PARP8: variants seen among roughly 807,000 people sequenced by gnomAD.
The protein encoded by PARP8 is protein mono-ADP-ribosyltransferase PARP8.
A neutral mutation model predicts 124.1 loss-of-function variants in PARP8; 51 were observed. That is an observed-to-expected ratio of 0.41 (90% CI 0.33 to 0.52). PARP8 has a LOEUF of 0.52. Among genes scored for constraint, PARP8 ranks in the 20% least tolerant of loss-of-function variants. The pLI is 0.21. For synonymous variants in PARP8, 391 were observed against 361.5 expected, an observed-to-expected ratio of 1.08 and a Z score of -0.93; for missense variants, 860 against 1,018.9, an observed-to-expected ratio of 0.84 and a Z score of 2.12.
At chr5:50,683,541 GTAAT>G (rs1360529140) in intron 2 of PARP8, among the ~76,000 whole-genome samples, 1 of 152,114 alleles carries the variant, frequency 6.6e-6, no homozygotes, top group African/African-American at 2.4e-5. Flanking sequence ...TATAATATGA[GTAAT>G]TGTGCAGGGA....
At chr5:50,726,014 T>C (rs1226732267) in intron 2 of PARP8, among the ~76,000 whole-genome samples, 1 of 152,188 alleles carries the variant, frequency 6.6e-6, no homozygotes, top group Non-Finnish European at 1.5e-5. Context: ...CCTATGGTAT[T>C]GTGATGCCTC....
chr5:50,798,125 A>G (rs1043915322), intron 14 of PARP8, among the ~76,000 whole-genome samples: 2 of 152,212 alleles, frequency 1.3e-5, no homozygotes, highest in Non-Finnish European at 2.9e-5. Flanking sequence ...CCATCCATAT[A>G]GCATATGTCA....
chr5:50,768,553 T>A (rs6450391), intron 7 of PARP8, among the ~76,000 whole-genome samples: 1 of 151,922 alleles, frequency 6.6e-6, no homozygotes, highest in South Asian at 2.1e-4. Context: ...TAAAAAAATT[T>A]GAATTCATCA....
intron 2 of PARP8, among the ~76,000 whole-genome samples, chr5:50,732,477 T>TA (rs1321473538): frequency 1.3e-5 from 2 of 152,242 alleles, no homozygotes; most frequent in African/African-American, 4.8e-5. Context: ...GATATTTGCA[T>TA]AAAAAACTAA....
chr5:50,672,503 A>G (rs1323766992), intron 2 of PARP8, among the ~76,000 whole-genome samples: 2 of 152,362 alleles, frequency 1.3e-5, no homozygotes, highest in East Asian at 1.9e-4. Flanking sequence ...GTGGAATTTC[A>G]TACGAATCCA....
chr5:50,733,334 G>T (rs1206204940), intron 2 of PARP8, among the ~76,000 whole-genome samples: 1 of 151,874 alleles, frequency 6.6e-6, no homozygotes, highest in Non-Finnish European at 1.5e-5. Flanking sequence ...CGAAAAACTT[G>T]CTCCTGACCT....
chr5:50,727,829 T>C (rs1237199604), intron 2 of PARP8, among the ~76,000 whole-genome samples: 2 of 152,194 alleles, frequency 1.3e-5, no homozygotes, highest in African/African-American at 4.8e-5. Flanking sequence ...GGGGCCCTTA[T>C]GTGATGCCAC....
At chr5:50,763,100 T>C (rs1580252033) in intron 6 of PARP8, 48 bp from the exon 7 acceptor site, 1 of 1,468,414 alleles carries the variant, frequency 6.8e-7, no homozygotes, top group African/African-American at 1.4e-5. Flanking sequence ...CTTAAGTTTT[T>C]GATTCTGTTC....
intron 2 of PARP8, among the ~76,000 whole-genome samples, chr5:50,724,418 G>GA (rs1301955634): frequency 1.0e-4 from 15 of 150,622 alleles, no homozygotes; most frequent in South Asian, 6.3e-4. Flanking sequence ...CACAGCAAAA[G>GA]AAAAAAAAAT....
chr5:50,704,693 G>A (rs763280619), intron 2 of PARP8, among the ~76,000 whole-genome samples: 1 of 152,128 alleles, frequency 6.6e-6, no homozygotes, highest in African/African-American at 2.4e-5. Context: ...TTGTATATTG[G>A]AATGATAGTG....
intron 10 of PARP8, among the ~76,000 whole-genome samples, chr5:50,790,906 A>G (rs1045698783): frequency 1.3e-5 from 2 of 152,156 alleles, no homozygotes; most frequent in African/African-American, 4.8e-5. Flanking sequence ...TTGGTCTGAT[A>G]TGTTTGTTTC....
rs2149554075 is a variant in PARP8 at position 50,751,241 on chromosome 5, T to C, written c.184+1053T>C. Among the ~76,000 whole-genome samples, 2 of 152,206 alleles carry C rather than the reference T, an allele frequency of 1.3e-5. 1 individual carries two copies. The highest frequency in any genetic ancestry group is 6.8e-3 in the Middle Eastern group (2 of 294). ...GGGCCAAGTGTTTAGCTCCCTCTTG[T>C]GGCCAAGAGGTATTACTTGGGCTTT... On this transcript the variant is annotated intron_variant, in intron 3 of 25. Coordinates refer to ENST00000281631, the MANE Select transcript of PARP8 (RefSeq NM_024615.4).
chr5:50,716,188 A>G (rs918117452), intron 2 of PARP8, among the ~76,000 whole-genome samples: 8 of 152,154 alleles, frequency 5.3e-5, no homozygotes, highest in African/African-American at 1.9e-4. Flanking sequence ...TCCTTACATT[A>G]GAATACAAAG....
intron 7 of PARP8, among the ~76,000 whole-genome samples, chr5:50,772,843 T>A (rs1054699789): frequency 6.6e-6 from 1 of 152,102 alleles, no homozygotes; most frequent in Non-Finnish European, 1.5e-5. Context: ...GCTACAGGCG[T>A]GTGCCACCAC....
At chr5:50,784,356 C>T (rs1190978840) in intron 9 of PARP8, among the ~76,000 whole-genome samples, 1 of 151,958 alleles carries the variant, frequency 6.6e-6, no homozygotes. Context: ...GGGAAATATG[C>T]TTTAAATAAA....
At chr5:50,725,375 A>G (rs1029728419) in intron 2 of PARP8, among the ~76,000 whole-genome samples, 2 of 152,120 alleles carry the variant, frequency 1.3e-5, no homozygotes, top group African/African-American at 4.8e-5. Flanking sequence ...TGTTGCATCA[A>G]ATGATGGCTA....
chr5:50,696,244 A>C (rs1211241729), intron 2 of PARP8, among the ~76,000 whole-genome samples: 2 of 152,198 alleles, frequency 1.3e-5, no homozygotes, highest in Non-Finnish European at 1.5e-5. Flanking sequence ...CAGAAATAGC[A>C]AAAAGAAAAT....
At chr5:50,732,569 T>A (rs1011233864) in intron 2 of PARP8, among the ~76,000 whole-genome samples, 2 of 152,182 alleles carry the variant, frequency 1.3e-5, no homozygotes, top group African/African-American at 2.4e-5. Flanking sequence ...ATTTTAATGA[T>A]AATGTAAATG....
chr5:50,681,367 A>G (rs1452640625), intron 2 of PARP8, among the ~76,000 whole-genome samples: 2 of 152,030 alleles, frequency 1.3e-5, no homozygotes, highest in South Asian at 2.1e-4. Flanking sequence ...TATTTCATCC[A>G]TTCTGGAAGG....
Sources: gnomAD v4.1 joint callset for allele counts (sites outside exome capture counted in the v4.1 genomes callset) on GRCh38, gnomAD v4.1.1 for gene constraint, MANE v1.5 for transcripts, NCBI Gene and HGNC (gene_info 2026-07-23, HGNC 2026-07-21) for gene names.